The following IL4I1 variants were observed in gnomAD, a reference collection of about 807,000 sequenced individuals.
IL4I1 encodes the protein L-amino-acid oxidase.
Under a neutral mutation model 29.7 loss-of-function variants are expected in IL4I1, and 24 were observed. The observed-to-expected ratio is 0.81, with a 90% confidence interval of 0.59 to 1.14. IL4I1 has a LOEUF of 1.14. IL4I1 is among the 50% of genes most tolerant of loss of function. The probability of loss-of-function intolerance (pLI) is 0.00; values close to 1 mark genes in which losing one functional copy is unlikely to be tolerated. For synonymous variants in IL4I1, 371 were observed against 352.5 expected (o/e 1.05, Z -0.59); for missense variants, 686 against 785.6 (o/e 0.87, Z 1.52).
At chr19:49,914,660 C>A (rs1195826303) in intron 2 of IL4I1, among the ~76,000 whole-genome samples, 1 of 151,562 alleles carries the variant, frequency 6.6e-6, no homozygotes, top group African/African-American at 2.4e-5. Flanking sequence ...TTTGCTGTCA[C>A]CCCAGCCTTC....
chr19:49,907,275 T>G, intron 2 of IL4I1: 1 of 294,952 alleles, frequency 3.4e-6, no homozygotes, highest in Non-Finnish European at 6.6e-6. Flanking sequence ...GAGCTTCGGG[T>G]AGCTGGGAAG....
intron 1 of IL4I1, chr19:49,928,531 A>G (rs36220127): frequency 6.6e-6 from 1 of 151,970 alleles, no homozygotes; most frequent in African/African-American, 2.4e-5. Flanking sequence ...AAAAAAAAAA[A>G]ACAGTTGAAC....
intron 3 of IL4I1, 108 bp downstream of exon 3, chr19:49,895,707 A>AAACC: frequency 1.9e-6 from 1 of 513,086 alleles, no homozygotes; most frequent in Non-Finnish European, 3.7e-6. Context: ...CTCCCCCCAC[A>AAACC]TCCCCACCTC....
chr19:49,917,855 A>AC (rs750139845), intron 2 of IL4I1: 1 of 152,010 alleles, frequency 6.6e-6, no homozygotes, highest in African/African-American at 2.4e-5. Flanking sequence ...ACATGGTGAA[A>AC]CCCCCGTCTC....
chr19:49,928,770 G>GGAT (rs2075978577), intron 1 of IL4I1: 1 of 152,308 alleles, frequency 6.6e-6, no homozygotes, highest in Non-Finnish European at 1.5e-5. Context: ...AGCAGCTGGG[G>GGAT]GATGAAGAAG....
chr19:49,922,601 G>T (rs1038877994), intron 2 of IL4I1, among the ~76,000 whole-genome samples: 1 of 151,984 alleles, frequency 6.6e-6, no homozygotes, highest in South Asian at 2.1e-4. Flanking sequence ...GCTGTGGGGA[G>T]GGGAAGTCAC....
intron 2 of IL4I1, among the ~76,000 whole-genome samples, chr19:49,922,313 C>A (rs1463917506): frequency 2.0e-5 from 3 of 152,142 alleles, no homozygotes; most frequent in Non-Finnish European, 2.9e-5. Flanking sequence ...TGGCCTCTGG[C>A]TGGGGGCATG....
intron 2 of IL4I1, among the ~76,000 whole-genome samples, chr19:49,905,504 G>A (rs2075310561): frequency 6.6e-6 from 1 of 152,168 alleles, no homozygotes; most frequent in Non-Finnish European, 1.5e-5. Flanking sequence ...GGGTTGTGGG[G>A]TCTTCCTCTG....
intron 7 of IL4I1, 43 bp downstream of exon 7, chr19:49,890,928 T>TTGGG: frequency 1.6e-6 from 1 of 633,186 alleles, no homozygotes; most frequent in Non-Finnish European, 2.4e-6. Context: ...TTTCCCTGAT[T>TTGGG]GCCCCCCGCC....
chr19:49,891,164 G>T, intron 6 of IL4I1, 57 bp from the exon 7 acceptor site: 2 of 1,585,884 alleles, frequency 1.3e-6, no homozygotes, highest in Non-Finnish European at 1.7e-6. Context: ...CCCTGAGAGA[G>T]CCCCTCCGCA....
At chr19:49,908,068 T>C (rs1379130346) in intron 2 of IL4I1, 3 of 1,396,844 alleles carry the variant, frequency 2.1e-6, no homozygotes, top group Non-Finnish European at 2.8e-6. Context: ...AGGCCCAGAA[T>C]ACCCTCCTAA....
At chr19:49,916,908 G>A (rs1245813605) in intron 2 of IL4I1, among the ~76,000 whole-genome samples, 2 of 152,216 alleles carry the variant, frequency 1.3e-5, no homozygotes, top group South Asian at 2.1e-4. Flanking sequence ...GCGGCTGAGC[G>A]AGACCCCGTC....
At chr19:49,898,361 G>A (rs1433621238), upstream of IL4I1, among the ~76,000 whole-genome samples, 11 of 152,164 alleles carry the variant, frequency 7.2e-5, no homozygotes, top group South Asian at 1.5e-3. Context: ...AATGAGGGCC[G>A]GGTGCGGAGG....
At chr19:49,908,425 G>T in intron 2 of IL4I1, 1 of 1,614,122 alleles carries the variant, frequency 6.2e-7, no homozygotes, top group Non-Finnish European at 8.5e-7. Context: ...CGGGGGCCCC[G>T]GACGTGTTCA....
chr19:49,902,988 G>A (rs766285286), intron 3 of IL4I1, among the ~76,000 whole-genome samples: 16 of 145,570 alleles, frequency 1.1e-4, no homozygotes, highest in Non-Finnish European at 1.5e-4. Context: ...GGTAGTGCAC[G>A]CCTGTAGTCC....
upstream of IL4I1, among the ~76,000 whole-genome samples, chr19:49,899,252 C>T (rs1020572515): frequency 2.6e-5 from 4 of 152,222 alleles, no homozygotes; most frequent in African/African-American, 9.6e-5. Flanking sequence ...AGGGCATGTC[C>T]CAGGAGTTTT....
intron 5 of IL4I1, among the ~76,000 whole-genome samples, chr19:49,892,387 G>A (rs562328681): frequency 1.3e-5 from 2 of 152,106 alleles, no homozygotes; most frequent in South Asian, 2.1e-4. Context: ...CCAGGTACCC[G>A]CCTTCTGACT....
intron 2 of IL4I1, among the ~76,000 whole-genome samples, chr19:49,910,274 C>T (rs1046942601): frequency 3.9e-5 from 6 of 152,054 alleles, no homozygotes; most frequent in Admixed American, 3.9e-4. Context: ...GTGAGGTTCC[C>T]TGGCTGACTC....
At chr19:49,899,938 G>A (rs1307368515), upstream of IL4I1, among the ~76,000 whole-genome samples, 1 of 151,828 alleles carries the variant, frequency 6.6e-6, no homozygotes, top group African/African-American at 2.4e-5. Context: ...GGGCTTAAGC[G>A]ATCCTCCAGC....
Sources: allele counts gnomAD v4.1 joint callset (sites outside exome capture counted in the v4.1 genomes callset), GRCh38; gene constraint gnomAD v4.1.1; transcripts MANE v1.5; gene names NCBI Gene and HGNC (gene_info 2026-07-23, HGNC 2026-07-21).